HIVEP3: variants seen among roughly 807,000 people sequenced by gnomAD.
The protein encoded by HIVEP3 is transcription factor HIVEP3.
HIVEP3 carries 49 observed loss-of-function variants against 152.8 expected under a neutral mutation model. The observed-to-expected ratio is 0.32, with a 90% CI of 0.26 to 0.41. The LOEUF is 0.41. Ranked by LOEUF, HIVEP3 falls within the 10% of genes least tolerant of loss-of-function variation. The pLI is 1.00. For missense variants in HIVEP3, 2,790 were observed against 3,103.3 expected (o/e 0.90, Z 2.40); for synonymous variants, 1,269 against 1,289.0 (o/e 0.98, Z 0.33).
Position 41,643,906 on chromosome 1 carries a change from T to TTTTTTTTTTTTTTG in HIVEP3, c.-720-14960_-720-14959insCAAAAAAAAAAAAA, listed in dbSNP as rs1553242264. Among the ~76,000 whole-genome samples, 598 of 143,504 alleles carry TTTTTTTTTTTTTTG rather than the reference T, an allele frequency of 4.2e-3. 11 individuals carry two copies. The highest frequency in any genetic ancestry group is 9.6e-3 in the Admixed American group (132 of 13,774). 94.1% of individuals were successfully genotyped at this position (143,504 alleles called of 152,430 possible). On this transcript the variant is annotated intron_variant, in intron 2 of 8. Transcript: ENST00000372583. ...TCCCATCCTCTTTTTTTTTTTTTTTTGACAGGGTCTGGCTCTGTTGCCTAG... is the reference window on the plus strand; with the variant it reads ...TCCCATCCTCTTTTTTTTTTTTTTTTTTTTTTTTTTTTTGGACAGGGTCTGGCTCTGTTGCCTAG...
chr1:41,923,299 A>G (rs1451228640), upstream of HIVEP3, among the ~76,000 whole-genome samples: 1 of 152,260 alleles, frequency 6.6e-6, no homozygotes, highest in Non-Finnish European at 1.5e-5. Flanking sequence ...TGTTAAAAAT[A>G]TATTCTATTT....
chr1:41,712,850 T>A (rs1646535195), intron 1 of HIVEP3, among the ~76,000 whole-genome samples: 2 of 152,186 alleles, frequency 1.3e-5, no homozygotes, highest in African/African-American at 4.8e-5. Flanking sequence ...CCAGGCCTTT[T>A]CAGCCATCAC....
chr1:41,537,703 G>T (rs981513275), intron 5 of HIVEP3, among the ~76,000 whole-genome samples: 3 of 152,238 alleles, frequency 2.0e-5, no homozygotes, highest in South Asian at 4.1e-4. Context: ...GGCCATGTGG[G>T]TCATGGGGAA....
At position 41,631,969 on chromosome 1, in the gene HIVEP3, C is replaced by T. The variant is rs529849776; in HGVS notation, c.-720-3022G>A. On this transcript the variant is annotated intron_variant, in intron 2 of 8. Transcript: ENST00000372583. ...GATGCTACTCACCTCCCTCTGCAAT[C>T]GTGCCCACCTTGCTGAATCCTGCCC... Among the ~76,000 whole-genome samples the T allele has an allele frequency of 6.6e-5, 10 of 152,290 alleles. No individual in the cohort carries two copies. In the East Asian group the frequency reaches 1.7e-3, roughly 26 times the overall value.
chr1:41,867,269 G>A (rs929669857), intron 1 of HIVEP3, among the ~76,000 whole-genome samples: 1 of 152,148 alleles, frequency 6.6e-6, no homozygotes, highest in Non-Finnish European at 1.5e-5. Context: ...TGTGCCTACA[G>A]CAGGCATTGG....
At chr1:41,965,569 T>C (rs1645193053) in intron 1 of HIVEP3, among the ~76,000 whole-genome samples, 1 of 152,016 alleles carries the variant, frequency 6.6e-6, no homozygotes, top group South Asian at 2.1e-4. Context: ...ACATGAGAAC[T>C]TCACAATGCA....
chr1:41,902,890 C>T (rs1570774837), intron 1 of HIVEP3, among the ~76,000 whole-genome samples: 1 of 152,150 alleles, frequency 6.6e-6, no homozygotes, highest in South Asian at 2.1e-4. Flanking sequence ...CAGAGAGGTG[C>T]TCTTCTTGGA....
intron 1 of HIVEP3, among the ~76,000 whole-genome samples, chr1:42,012,419 T>C (rs1203882900): frequency 2.0e-5 from 2 of 99,296 alleles, no homozygotes; most frequent in East Asian, 5.8e-4. Context: ...ATGATGGGGC[T>C]GGAGCCCTTA....
chr1:41,580,061 T>C lies in HIVEP3; in HGVS notation c.4737A>G (p.Arg1579=), dbSNP rs1439458167. The change falls in exon 4 of 9, where the codon AGA becomes AGG. Residue 1579 remains arginine (R), a synonymous_variant. Coordinates refer to ENST00000372583, the MANE Select transcript of HIVEP3 (RefSeq NM_024503.5). The part of the protein sequence containing the change: ...SSLPLSETSS[R]PAKSQEGTDS... Reference sequence around the variant, plus strand: ...CCGTACCTTCTTGTGACTTGGCTGGTCTGGAGGACGTTTCTGACAGAGGCA... The same window carrying C: ...CCGTACCTTCTTGTGACTTGGCTGGCCTGGAGGACGTTTCTGACAGAGGCA... 17 of 1,614,174 alleles carry C rather than the reference T, an allele frequency of 1.1e-5. No homozygotes were observed. The highest frequency in any genetic ancestry group is 1.4e-5 in the Non-Finnish European group (17 of 1,180,038).
In HIVEP3 at chr1:41,729,020, A is replaced by G. The variant is rs375051669; in HGVS notation, c.-800-28025T>C. ...GGCTGCAATCTCGCTCTCAGTCACC[A>G]TCTCCCACATGGACTAGGGGTTACC... On this transcript the variant is annotated intron_variant, in intron 1 of 8. Transcript: ENST00000372583. Among the ~76,000 whole-genome samples the G allele has an allele frequency of 1.1e-4, 16 of 152,264 alleles. No individual in the cohort carries two copies. The South Asian group carries it at 3.3e-3, about 32-fold the overall frequency.
chr1:41,803,964 T>A (rs1225853942), intron 1 of HIVEP3, among the ~76,000 whole-genome samples: 1 of 152,238 alleles, frequency 6.6e-6, no homozygotes, highest in Non-Finnish European at 1.5e-5. Flanking sequence ...GTGCCAAACC[T>A]GTTCATCACC....
intron 1 of HIVEP3, among the ~76,000 whole-genome samples, chr1:41,774,772 T>TTTTATTTATTTATTTATTTA (rs199947047): frequency 1.7e-4 from 25 of 143,788 alleles, no homozygotes; most frequent in African/African-American, 5.3e-4. Flanking sequence ...GCATCTTTTA[T>TTTTATTTATTTATTTATTTA]TTTATTTATT....
At chr1:41,661,820 G>A (rs970523170) in intron 2 of HIVEP3, among the ~76,000 whole-genome samples, 1 of 152,236 alleles carries the variant, frequency 6.6e-6, no homozygotes, top group African/African-American at 2.4e-5. Context: ...GGCCGTGCCA[G>A]GCGCGAGTGT....
At chr1:41,808,362 G>C (rs1558287673) in intron 1 of HIVEP3, among the ~76,000 whole-genome samples, 3 of 152,242 alleles carry the variant, frequency 2.0e-5, no homozygotes, top group Admixed American at 1.3e-4. Flanking sequence ...CTCCAGAGCA[G>C]GGCTGTGTCC....
rs753786645 is a variant in HIVEP3, at chr1:41,510,989, C to A, written c.6683G>T (p.Gly2228Val). 1.1e-5 allele frequency: 18 copies of A among 1,613,490 alleles called. No individual in the cohort carries two copies. Among genetic ancestry groups the A allele is most frequent in the East Asian group, 2.2e-5 (1 of 44,858 alleles). The change falls in exon 9 of 9, where the codon GGT becomes GTT. Residue 2228 changes from glycine to valine, a missense_variant. Physicochemically the swap from Gly to Val is moderately radical, Grantham distance 109. This residue lies in a region of HIVEP3 where 816 missense variants were observed against 806.5 expected (regional missense o/e 1.01). Transcript: ENST00000372583. ...CCGGGCCCCTGTCAGGTCGCTGCCA[C>A]CCCCGGAGAAGCCACTGACCCAGGC... ...TAAWVSGFSG[G>V]GSDLTGAREA...
chr1:41,545,770 T>TCAC (rs1160650948), intron 5 of HIVEP3, among the ~76,000 whole-genome samples: 1 of 46,226 alleles, frequency 2.2e-5, no homozygotes, highest in Non-Finnish European at 4.7e-5. Flanking sequence ...ACCACTACCA[T>TCAC]CACCACCACC....
intron 1 of HIVEP3, among the ~76,000 whole-genome samples, chr1:41,819,698 T>G (rs1642529447): frequency 6.6e-6 from 1 of 152,238 alleles, no homozygotes. Flanking sequence ...TGCTTTGCGG[T>G]CAGAGACATA....
intron 1 of HIVEP3, among the ~76,000 whole-genome samples, chr1:41,982,778 G>C (rs752209168): frequency 6.6e-6 from 1 of 152,150 alleles, no homozygotes; most frequent in Non-Finnish European, 1.5e-5. Flanking sequence ...AATAGGTCTT[G>C]GCCAATTGAA....
In HIVEP3 at chr1:41,735,226, A is replaced by G. The variant is rs144969467; in HGVS notation, c.-800-34231T>C. On this transcript the variant is annotated intron_variant, in intron 1 of 8. Transcript: ENST00000372583. ...CAGAAATTGGAGTCAGTTGCAAATA[A>G]TTTCTATTGAGTGCCTGCTGTTTGG... 3.0e-4 allele frequency among the ~76,000 whole-genome samples: 45 copies of G among 152,328 alleles called. 1 individual carries two copies. Among genetic ancestry groups the G allele is most frequent in the Non-Finnish European group, 2.5e-4 (17 of 68,020 alleles).
Sources: gnomAD v4.1 joint callset for allele counts (sites outside exome capture counted in the v4.1 genomes callset) on GRCh38, gnomAD v4.1.1 for gene constraint, gnomAD v4.1.1 regional missense constraint, MANE v1.5 for transcripts, NCBI Gene and HGNC (gene_info 2026-07-23, HGNC 2026-07-21) for gene names.